Variants in ABCA4 observed in about 807,000 individuals in gnomAD.
The protein encoded by ABCA4 is retinal-specific phospholipid-transporting ATPase ABCA4.
In ABCA4, 196 loss-of-function variants were observed where a neutral mutation model predicts 263.7. That is an observed-to-expected ratio of 0.74 (90% CI 0.66 to 0.84). The LOEUF is 0.84. Among genes scored for constraint, ABCA4 ranks in the 40% least tolerant of loss-of-function variants. The pLI is 0.00. For synonymous variants in ABCA4, 1,133 were observed against 1,094.2 expected, an observed-to-expected ratio of 1.04 and a Z score of -0.70; for missense variants, 2,792 against 2,855.1, an observed-to-expected ratio of 0.98 and a Z score of 0.50.
intron 29 of ABCA4, 79 bp downstream of exon 29, chr1:94,030,349 A>G (rs761162277): frequency 2.6e-5 from 34 of 1,292,400 alleles, no homozygotes; most frequent in African/African-American, 7.3e-5. Context: ...GGCCTCCCCA[A>G]CGCCTGCCAT....
chr1:94,010,895 G>C lies in ABCA4; in HGVS notation c.5619C>G (p.Asp1873Glu). Residue 1873 changes from aspartate (D) to glutamate (E), a missense_variant, in exon 40 of 50, where the codon GAC becomes GAG. Asp to Glu is a conservative substitution (Grantham distance 45). Transcript: ENST00000370225. ...EEHSANPFHW[D>E]LIGKNLFAMV... is the part of the protein sequence containing the mutation. ...TGGCAAACAGGTTCTTCCCAATCAG[G>C]TCCCAGTGGAACGGATTTGCAGAGT... The C allele has an allele frequency of 2.5e-6, 4 of 1,614,088 alleles. No homozygotes were observed.
chr1:94,053,001 C>T (rs573114910), intron 16 of ABCA4, among the ~76,000 whole-genome samples: 1 of 152,342 alleles, frequency 6.6e-6, no homozygotes, highest in African/African-American at 2.4e-5. Context: ...AACCCTCAAC[C>T]TCCAATGGGG....
At chr1:94,033,423 C>CAA (rs11459922) in intron 26 of ABCA4, among the ~76,000 whole-genome samples, 1,837 of 108,908 alleles carry the variant, frequency 0.017, 18 homozygotes, top group African/African-American at 0.033. Flanking sequence ...AACTCTATCT[C>CAA]AAAAAAAAAA....
At chr1:94,024,805 A>G (rs1053024708) in intron 31 of ABCA4, 149 bp downstream of exon 31, 21 of 656,978 alleles carry the variant, frequency 3.2e-5, no homozygotes, top group Non-Finnish European at 1.1e-5. Flanking sequence ...ATTGCTTTTT[A>G]TGTTGAATGG....
chr1:94,043,292 T>A lies in ABCA4; in HGVS notation c.3190+44A>T, dbSNP rs758366412. 6.8e-6 allele frequency: 11 copies of A among 1,613,538 alleles called. No homozygotes were observed. The South Asian group carries it at 1.2e-4, about 18-fold the overall frequency. On this transcript the variant is annotated intron_variant, in intron 21 of 49. Coordinates refer to ENST00000370225, the MANE Select transcript of ABCA4 (RefSeq NM_000350.3). ...GCCTCCTGGGTGCACTGGGGAGCCA[T>A]GGATTTGCCATCTGTGGCCCTGTCT...
At chr1:94,023,473 A>G in intron 31 of ABCA4, 55 bp from the exon 32 acceptor site, 1 of 1,413,524 alleles carries the variant, frequency 7.1e-7, no homozygotes, top group Non-Finnish European at 1.0e-6. Flanking sequence ...CAGTGCCGTT[A>G]ACTTTCTTTC....
In ABCA4 at chr1:94,040,212, G is replaced by A. The variant is rs72958470; in HGVS notation, c.3523-85C>T. 2,131 of 1,105,548 alleles carry A rather than the reference G, an allele frequency of 1.9e-3. 29 individuals carry two copies. In the African/African-American group the frequency reaches 0.028, roughly 15 times the overall value. The allele number at this position is 1,105,548 out of a possible 1,614,324, so 68.5% of individuals were successfully genotyped here. On this transcript the variant is annotated intron_variant, in intron 23 of 49. Transcript: ENST00000370225. ...CTGATGCCAGCTGCTGTCACCGCCC[G>A]CTTTATTTATTTCTCACTGCCAAGT...
intron 1 of ABCA4, among the ~76,000 whole-genome samples, chr1:94,115,122 A>G (rs1662724420): frequency 6.6e-6 from 1 of 152,176 alleles, no homozygotes; most frequent in African/African-American, 2.4e-5. Context: ...GGATCATTCC[A>G]TCAGTGGGTA....
intron 45 of ABCA4, chr1:94,001,430 A>T: frequency 2.0e-6 from 1 of 501,538 alleles, no homozygotes; most frequent in South Asian, 2.0e-5. Flanking sequence ...CACTCAGGTC[A>T]CTTCCTTGGT....
chr1:94,046,473 A>AAAAAAAAAAG lies in ABCA4; in HGVS notation c.2918+445_2918+446insCTTTTTTTTT, dbSNP rs71094277. 5.1e-3 allele frequency among the ~76,000 whole-genome samples: 614 copies of AAAAAAAAAAG among 120,454 alleles called. 1 individual carries two copies. Among genetic ancestry groups the AAAAAAAAAAG allele is most frequent in the Non-Finnish European group, 8.9e-3 (489 of 55,200 alleles). 79.0% of individuals were successfully genotyped at this position (120,454 alleles called of 152,430 possible). A position where few individuals can be genotyped will look rare whatever the true frequency, so the allele number is the denominator to read the frequency against. ...ACTATCTCAAAAAAAAAAAAAAAAA[A>AAAAAAAAAAG]AAAGAAAAGAAAAGAGAAAGGAAAT... On this transcript the variant is annotated intron_variant, in intron 19 of 49. Coordinates refer to ENST00000370225, the MANE Select transcript of ABCA4 (RefSeq NM_000350.3).
chr1:94,044,060 C>G (rs1660598421), intron 20 of ABCA4, among the ~76,000 whole-genome samples: 1 of 44,062 alleles, frequency 2.3e-5, no homozygotes, highest in Non-Finnish European at 6.4e-5. Context: ...CTCCCTCCCT[C>G]CCTCGCTTCC....
rs886044762 is a variant in ABCA4, at chr1:93,998,075, T to C, written c.6515A>G (p.Lys2172Arg). 4 of 1,614,222 alleles carry C rather than the reference T, an allele frequency of 2.5e-6. No individual in the cohort carries two copies. Among genetic ancestry groups the C allele is most frequent in the South Asian group, 1.1e-5 (1 of 91,088 alleles). The change falls in exon 48 of 50, where the codon AAA becomes AGA. Residue 2172 changes from lysine to arginine, a missense_variant. By Grantham distance (26) the Lys-to-Arg change is conservative. Transcript: ENST00000370225. ...AGGAAGCAGGTCGTCCTTCGGGGAT[T>C]TGATCTTCATTGTGACGATATAGCC... is the stretch of plus-strand genomic sequence containing the variant. ...GDGYIVTMKI[K>R]SPKDDLLPDL...
Position 94,045,859 on chromosome 1 carries a change from C to G in ABCA4, c.2918+1060G>C, listed in dbSNP as rs763003887. 8 of 456,160 alleles carry G rather than the reference C, an allele frequency of 1.8e-5. 1 individual carries two copies. Among genetic ancestry groups the G allele is most frequent in the Non-Finnish European group, 3.1e-5 (7 of 226,976 alleles). 28.3% of individuals were successfully genotyped at this position (456,160 alleles called of 1,614,324 possible). On this transcript the variant is annotated intron_variant, in intron 19 of 49. Transcript: ENST00000370225. ...ACTGTGTCACGTGGGTTCGCTGCCC[C>G]CTGCGAGGTCCGTGTCTGCTGCTCC...
At chr1:93,998,370 A>G (rs1659072337) in intron 47 of ABCA4, among the ~76,000 whole-genome samples, 1 of 152,120 alleles carries the variant, frequency 6.6e-6, no homozygotes, top group Non-Finnish European at 1.5e-5. Context: ...GGTCCCAGCT[A>G]CTTGGGAGGC....
At position 93,993,098 on chromosome 1, in the gene ABCA4, C is replaced by T; in HGVS notation, c.*139G>A. On this transcript the variant is annotated 3_prime_UTR_variant, in exon 50 of 50. Coordinates refer to ENST00000370225, the MANE Select transcript of ABCA4 (RefSeq NM_000350.3). ...GACCTCTTTCTGAATTCGCTGCATG[C>T]TCCTCGTGTGTTTGTTTTCTGCTGC... 2.6e-6 allele frequency: 3 copies of T among 1,139,786 alleles called. No homozygotes were observed. The highest frequency in any genetic ancestry group is 3.9e-6 in the Non-Finnish European group (3 of 770,326). 70.6% of individuals were successfully genotyped at this position (1,139,786 alleles called of 1,614,324 possible). A position where few individuals can be genotyped will look rare whatever the true frequency, so the allele number is the denominator to read the frequency against.
At chr1:94,077,597 T>C in intron 11 of ABCA4, 93 bp downstream of exon 11, 1 of 1,243,832 alleles carries the variant, frequency 8.0e-7, no homozygotes, top group East Asian at 2.3e-5. Context: ...AATGAAAGCT[T>C]AAATTCAAGA....
intron 6 of ABCA4, 136 bp from the exon 7 acceptor site, chr1:94,083,577 G>A (rs1409837638): frequency 1.5e-6 from 1 of 661,152 alleles, no homozygotes; most frequent in East Asian, 2.7e-5. Context: ...TTTTCTGCAA[G>A]ATTACTTTTA....
Position 94,036,688 on chromosome 1 carries a change from A to G in ABCA4, c.3862+52T>C, listed in dbSNP as rs1224769634. On this transcript the variant is annotated intron_variant, in intron 26 of 49. Coordinates refer to ENST00000370225, the MANE Select transcript of ABCA4 (RefSeq NM_000350.3). ...CCAGCCCCTTAGACTTTCGAGATGG[A>G]ACTTGGGAGGGAGGCAAGGAAGGGA... 2.5e-6 allele frequency: 4 copies of G among 1,588,458 alleles called. No individual in the cohort carries two copies. In the African/African-American group the frequency reaches 5.4e-5, roughly 21 times the overall value.
At chr1:94,030,579 T>TGCA in intron 28 of ABCA4, 53 bp from the exon 29 acceptor site, 1 of 1,523,434 alleles carries the variant, frequency 6.6e-7, no homozygotes, top group Non-Finnish European at 9.1e-7. Context: ...GCCAACATCA[T>TGCA]GCAACTCAGA....
Sources: gnomAD v4.1 joint callset for allele counts (sites outside exome capture counted in the v4.1 genomes callset) on GRCh38, gnomAD v4.1.1 for gene constraint, MANE v1.5 for transcripts, NCBI Gene and HGNC (gene_info 2026-07-23, HGNC 2026-07-21) for gene names.